Variants in ZNF292 observed in about 807,000 individuals in gnomAD.
ZNF292 encodes the protein zinc finger protein 292, also known as 16 zinc-finger domain protein.
Under a neutral mutation model 217.9 loss-of-function variants are expected in ZNF292, and 26 were observed. The observed-to-expected ratio is 0.12, with a 90% CI of 0.09 to 0.17. The LOEUF is 0.17. ZNF292 is among the 10% of genes least tolerant of loss of function. The pLI, the probability that ZNF292 is intolerant of heterozygous loss-of-function variation, is 1.00. For synonymous variants in ZNF292, 1,257 were observed against 1,124.1 expected, an observed-to-expected ratio of 1.12 and a Z score of -2.37; for missense variants, 2,904 against 3,175.2, an observed-to-expected ratio of 0.91 and a Z score of 2.05.
intron 1 of ZNF292, among the ~76,000 whole-genome samples, chr6:87,162,349 A>G (rs1398731116): frequency 6.6e-6 from 1 of 152,232 alleles, no homozygotes; most frequent in Non-Finnish European, 1.5e-5. Context: ...TCTTTTGTTT[A>G]TATACATGTT....
chr6:87,259,956 T>C lies in ZNF292; in HGVS notation c.6327T>C (p.Ser2109=), dbSNP rs576620921. Residue 2109 remains serine, a synonymous_variant, in exon 8 of 8, where the codon AGT becomes AGC. Transcript: ENST00000369577. ...SQSLEFPTRY[S]PYRPYRCVHQ... is the part of the protein sequence containing the mutation. ...CCCTTGAGTTTCCAACAAGATACAG[T>C]CCTTACAGACCTTATCGATGTGTTC... 4 of 1,613,630 alleles carry C rather than the reference T, an allele frequency of 2.5e-6. No individual in the cohort carries two copies. The Admixed American group carries it at 6.7e-5, about 27-fold the overall frequency.
chr6:87,160,487 A>ATGTGTGTGTGTG lies in ZNF292; in HGVS notation c.168+4729_168+4730insGTGTGTGTGTGT, dbSNP rs141208047. Among the ~76,000 whole-genome samples, 209 of 77,918 alleles carry ATGTGTGTGTGTG rather than the reference A, an allele frequency of 2.7e-3. 1 individual carries two copies. Among genetic ancestry groups the ATGTGTGTGTGTG allele is most frequent in the African/African-American group, 7.7e-3 (203 of 26,228 alleles). The allele number at this position is 77,918 out of a possible 152,430, so 51.1% of individuals were successfully genotyped here. ...TATACATACGTACATGTGTTTGTATATATATGTGTGTGTGTGTGTGTGTGT... is the reference window on the plus strand; with the variant it reads ...TATACATACGTACATGTGTTTGTATATGTGTGTGTGTGTATATGTGTGTGTGTGTGTGTGTGT... On this transcript the variant is annotated intron_variant, in intron 1 of 7. Transcript: ENST00000369577.
At chr6:87,231,039 G>T (rs767631033) in intron 4 of ZNF292, among the ~76,000 whole-genome samples, 1 of 152,122 alleles carries the variant, frequency 6.6e-6, no homozygotes, top group African/African-American at 2.4e-5. Context: ...AGTCTGAGAA[G>T]CATGAAAACA....
intron 4 of ZNF292, among the ~76,000 whole-genome samples, chr6:87,230,742 A>G (rs531617645): frequency 1.6e-3 from 237 of 152,162 alleles, no homozygotes; most frequent in African/African-American, 5.5e-3. Context: ...TTAAAAAAAA[A>G]AAAAAAGAAA....
At chr6:87,207,686 T>G (rs1772303711) in intron 1 of ZNF292, among the ~76,000 whole-genome samples, 1 of 152,200 alleles carries the variant, frequency 6.6e-6, no homozygotes, top group East Asian at 1.9e-4. Context: ...ATTATTGTAT[T>G]TTTTTCTTAG....
At chr6:87,156,278 G>GT (rs1409278663) in intron 1 of ZNF292, among the ~76,000 whole-genome samples, 1 of 152,172 alleles carries the variant, frequency 6.6e-6, no homozygotes, top group Non-Finnish European at 1.5e-5. Flanking sequence ...TGTTGTTCGA[G>GT]TTTCGCCTTA....
intron 1 of ZNF292, among the ~76,000 whole-genome samples, chr6:87,191,168 A>G (rs1416485607): frequency 6.6e-6 from 1 of 152,126 alleles, no homozygotes; most frequent in Non-Finnish European, 1.5e-5. Flanking sequence ...CATAGTATGG[A>G]CATTCTATAA....
rs753810681 is a variant in ZNF292, at chr6:87,260,591, G to A, written c.6962G>A (p.Ser2321Asn). The A allele has an allele frequency of 1.2e-6, 2 of 1,612,948 alleles. No homozygotes were observed. The highest frequency in any genetic ancestry group is 1.7e-4 in the Middle Eastern group (1 of 6,058). ...TCTAAACATCGGGGGACCAAGCACA[G>A]CAGATGTGGAAAGGAAGGAATAAAA... ...SKSKHRGTKH[S>N]RCGKEGIKMP... Residue 2321 changes from serine (S) to asparagine (N), a missense_variant, in exon 8 of 8, where the codon AGC becomes AAC. Around this residue, in one of 15 missense-constraint regions of ZNF292, gnomAD observed 101 missense variants for 89.5 expected, o/e 1.13. Transcript: ENST00000369577.
chr6:87,242,656 G>A (rs1774351149), intron 5 of ZNF292, among the ~76,000 whole-genome samples: 1 of 152,176 alleles, frequency 6.6e-6, no homozygotes, highest in Admixed American at 6.5e-5. Context: ...TCTATTCTGT[G>A]GAACACTGGT....
Position 87,155,700 on chromosome 6 carries a change from C to T in ZNF292, c.109C>T (p.Arg37Trp). 6.3e-7 allele frequency: 1 copy of T among 1,594,456 alleles called. No individual in the cohort carries two copies. The highest frequency in any genetic ancestry group is 8.5e-7 in the Non-Finnish European group (1 of 1,172,452). ...GCTCCAGGAGCTGGAGCTACAGCTG[C>T]GGGAGAGCCGGGTACCGGCCGTGGA... is the stretch of plus-strand genomic sequence containing the variant. Reference protein sequence around the residue: ...ERLQELELQLRESRVPAVEAA... With the variant: ...ERLQELELQLWESRVPAVEAA... The change falls in exon 1 of 8, where the codon CGG becomes TGG. Residue 37 changes from arginine to tryptophan, a missense_variant. By Grantham distance (101) the Arg-to-Trp change is moderately radical. Transcript: ENST00000369577.
Position 87,216,106 on chromosome 6 carries a change from TAGACACACACACACACAC to T in ZNF292, c.323+51_323+68del, listed in dbSNP as rs1439262102. ...AACTAGATTTAGCTTTAAAAATACA[TAGACACACACACACACAC>T]ACACACACACACACACACACACACA... On this transcript the variant is annotated intron_variant, in intron 2 of 7. Coordinates refer to ENST00000369577, the MANE Select transcript of ZNF292 (RefSeq NM_015021.3). 1.8e-4 allele frequency: 171 copies of T among 952,010 alleles called. 4 individuals are homozygous for T. In the African/African-American group the frequency reaches 2.1e-3, roughly 12 times the overall value. 59.0% of individuals were successfully genotyped at this position (952,010 alleles called of 1,614,324 possible).
chr6:87,193,519 G>A (rs1456796700), intron 1 of ZNF292, among the ~76,000 whole-genome samples: 1 of 150,214 alleles, frequency 6.7e-6, no homozygotes, highest in Non-Finnish European at 1.5e-5. Context: ...CAGCCTGGGT[G>A]ACAAAGTGAG....
At chr6:87,232,799 C>A (rs910516448) in intron 4 of ZNF292, among the ~76,000 whole-genome samples, 2 of 151,936 alleles carry the variant, frequency 1.3e-5, no homozygotes, top group African/African-American at 4.8e-5. Flanking sequence ...TATTTTGATT[C>A]ATTATAAAAC....
chr6:87,198,409 T>G (rs1424813249), intron 1 of ZNF292, among the ~76,000 whole-genome samples: 1 of 152,110 alleles, frequency 6.6e-6, no homozygotes, highest in Non-Finnish European at 1.5e-5. Flanking sequence ...TTTCACTGTG[T>G]TAGCTAGGAT....
chr6:87,236,408 AAAAG>A (rs1773908739), intron 5 of ZNF292, among the ~76,000 whole-genome samples: 1 of 145,458 alleles, frequency 6.9e-6, no homozygotes, highest in Admixed American at 6.7e-5. Context: ...TTTTTTTTAA[AAAAG>A]AAAAGAAATA....
In ZNF292 at chr6:87,263,736, G is replaced by A. The variant is rs987215459; in HGVS notation, c.*1935G>A. 6.6e-6 allele frequency: 1 copy of A among 151,994 alleles called. No homozygotes were observed. The highest frequency in any genetic ancestry group is 1.5e-5 in the Non-Finnish European group (1 of 67,972). The allele number at this position is 151,994 out of a possible 1,614,324, so 9.4% of individuals were successfully genotyped here. ...AATTAACAATAATTTAAATAACTGA[G>A]TAATTTTAATATTAAATTTTTGTTA... On this transcript the variant is annotated 3_prime_UTR_variant, in exon 8 of 8. Coordinates refer to ENST00000369577, the MANE Select transcript of ZNF292 (RefSeq NM_015021.3).
chr6:87,218,797 T>C (rs1487294132), intron 4 of ZNF292, 66 bp downstream of exon 4: 1 of 1,472,368 alleles, frequency 6.8e-7, no homozygotes, highest in African/African-American at 1.4e-5. Flanking sequence ...GTTAAAGTTG[T>C]TTTGATATAA....
chr6:87,226,945 G>T (rs9450637), intron 4 of ZNF292, among the ~76,000 whole-genome samples: 56,875 of 151,576 alleles, frequency 0.38, 11,075 homozygotes, highest in Admixed American at 0.52. Flanking sequence ...CTCCCAGAGT[G>T]CTGGGATTAC....
rs369452526 is a variant in ZNF292 at position 87,218,742 on chromosome 6, G to T, written c.538+11G>T. The T allele has an allele frequency of 6.4e-7, 1 of 1,558,878 alleles. No individual in the cohort carries two copies. Among genetic ancestry groups the T allele is most frequent in the African/African-American group, 1.4e-5 (1 of 72,128 alleles). ...TGGATAAGGATAAAGGTAAATTTTC[G>T]AGAGACAGAGAAAAAAAAGAATAAT... On this transcript the variant is annotated intron_variant, in intron 4 of 7. Transcript: ENST00000369577.
Sources: gnomAD v4.1 joint callset for allele counts (sites outside exome capture counted in the v4.1 genomes callset) on GRCh38, gnomAD v4.1.1 for gene constraint, gnomAD v4.1.1 regional missense constraint, MANE v1.5 for transcripts, NCBI Gene and HGNC (gene_info 2026-07-23, HGNC 2026-07-21) for gene names.